The following MEIS1 variants were observed in gnomAD, a reference collection of about 807,000 sequenced individuals.
MEIS1 encodes homeobox protein Meis1.
MEIS1 carries 5 observed loss-of-function variants against 50.8 expected under a neutral mutation model. The ratio of observed to expected loss-of-function variants is 0.10; its 90% CI spans 0.05 to 0.21. The LOEUF (loss-of-function observed/expected upper bound fraction) is 0.21, where lower values mean the gene tolerates loss of function less well. Ranked by LOEUF, MEIS1 falls within the 10% of genes least tolerant of loss-of-function variation. MEIS1 has a pLI of 1.00. For synonymous variants in MEIS1, 176 were observed against 179.3 expected (o/e 0.98, Z 0.15); for missense variants, 318 against 517.3 (o/e 0.61, Z 3.74).
chr2:66,463,842 G>A (rs1017985655), intron 6 of MEIS1, among the ~76,000 whole-genome samples: 7 of 152,164 alleles, frequency 4.6e-5, no homozygotes, highest in African/African-American at 1.7e-4. Flanking sequence ...CTCTTTGCCT[G>A]GAATGTTTTT....
At position 66,439,485 on chromosome 2, in the gene MEIS1, T is replaced by G. The variant is rs1053684757; in HGVS notation, c.240-358T>G. ...GGCGCCTTTCTCCTCCACCGGATCCTGGATGTGCAGTGGAGGGGACGAGGG... is the reference window on the plus strand; with the variant it reads ...GGCGCCTTTCTCCTCCACCGGATCCGGGATGTGCAGTGGAGGGGACGAGGG... On this transcript the variant is annotated intron_variant, in intron 2 of 12. Transcript: ENST00000272369. The G allele has an allele frequency of 3.2e-5, 45 of 1,410,468 alleles. No individual in the cohort carries two copies. In the African/African-American group the frequency reaches 5.7e-4, roughly 18 times the overall value. 87.4% of individuals were successfully genotyped at this position (1,410,468 alleles called of 1,614,324 possible).
intron 6 of MEIS1, among the ~76,000 whole-genome samples, chr2:66,458,777 G>A (rs1028714359): frequency 2.6e-5 from 4 of 152,150 alleles, no homozygotes; most frequent in Non-Finnish European, 5.9e-5. Context: ...GTTTGTGTAA[G>A]TGCAAGTATG....
intron 8 of MEIS1, among the ~76,000 whole-genome samples, chr2:66,542,746 G>A (rs1674685927): frequency 6.6e-6 from 1 of 152,130 alleles, no homozygotes; most frequent in Non-Finnish European, 1.5e-5. Context: ...CCATTACAAT[G>A]TGCTATTAGA....
intron 7 of MEIS1, among the ~76,000 whole-genome samples, chr2:66,511,728 T>C (rs952269865): frequency 2.6e-5 from 4 of 152,224 alleles, no homozygotes; most frequent in African/African-American, 9.6e-5. Flanking sequence ...CTTAAATGAA[T>C]CTTCTCACAA....
At chr2:66,552,449 T>G (rs1376116187) in intron 9 of MEIS1, among the ~76,000 whole-genome samples, 6 of 152,218 alleles carry the variant, frequency 3.9e-5, no homozygotes, top group African/African-American at 1.4e-4. Context: ...AGAAAAATTA[T>G]TCTCCATCAA....
chr2:66,547,881 G>A, intron 8 of MEIS1, 62 bp from the exon 9 acceptor site: 1 of 1,514,360 alleles, frequency 6.6e-7, no homozygotes, highest in Middle Eastern at 1.7e-4. Flanking sequence ...GAGACACTTA[G>A]GCTATTGACA....
intron 6 of MEIS1, chr2:66,454,918 A>G (rs576490423): frequency 6.6e-6 from 1 of 152,186 alleles, no homozygotes; most frequent in Non-Finnish European, 1.5e-5. Flanking sequence ...GTATTTAGGT[A>G]TACTTATTTG....
At chr2:66,439,259 A>G in intron 2 of MEIS1, 2 of 1,051,156 alleles carry the variant, frequency 1.9e-6, no homozygotes, top group Non-Finnish European at 1.1e-6. Flanking sequence ...ATGTGCGTGG[A>G]GCTGAGGAGG....
intron 7 of MEIS1, among the ~76,000 whole-genome samples, chr2:66,467,774 T>C (rs1159488915): frequency 6.6e-6 from 1 of 152,206 alleles, no homozygotes; most frequent in Admixed American, 6.5e-5. Context: ...TTATGATATC[T>C]ACTTCCATTC....
intron 1 of MEIS1, 38 bp downstream of exon 1, chr2:66,435,906 G>A (rs781440548): frequency 1.9e-6 from 3 of 1,538,660 alleles, no homozygotes; most frequent in Non-Finnish European, 2.6e-6. Flanking sequence ...TCAAATGTGA[G>A]ATTAAATTGA....
At position 66,473,397 on chromosome 2, in the gene MEIS1, A is replaced by AAAAAAAAAAAAAAAATATATATATAT; in HGVS notation, c.742+9178_742+9179insAAAAAAAAAAAAAATATATATATATA. Reference sequence around the variant, plus strand: ...CCATGTCAAAAAAAAAAAAAAAAAAAATATATATATATATATATATAGTAA... The same window carrying AAAAAAAAAAAAAAAATATATATATAT: ...CCATGTCAAAAAAAAAAAAAAAAAAAAAAAAAAAAAAAAAATATATATATATATATATATATATATATATATAGTAA... On this transcript the variant is annotated intron_variant, in intron 7 of 12. Transcript: ENST00000272369. Among the ~76,000 whole-genome samples, 33 of 107,500 alleles carry AAAAAAAAAAAAAAAATATATATATAT rather than the reference A, an allele frequency of 3.1e-4. 1 individual carries two copies. The highest frequency in any genetic ancestry group is 1.1e-3 in the African/African-American group (19 of 17,096). The allele number at this position is 107,500 out of a possible 152,430, so 70.5% of individuals were successfully genotyped here.
chr2:66,526,262 T>C (rs1409899793), intron 8 of MEIS1, among the ~76,000 whole-genome samples: 4 of 152,206 alleles, frequency 2.6e-5, no homozygotes, highest in Non-Finnish European at 5.9e-5. Flanking sequence ...ATGCTAGATG[T>C]AGTTTCTTGA....
In MEIS1 at chr2:66,521,277, G is replaced by C. The variant is rs189295039; in HGVS notation, c.888+8983G>C. On this transcript the variant is annotated intron_variant, in intron 8 of 12. Coordinates refer to ENST00000272369, the MANE Select transcript of MEIS1 (RefSeq NM_002398.3). ...CCCATGTCTGTTACCAACAATGTCT[G>C]TGATAGTGCTTTGGGGGGTGAAGAA... is the stretch of plus-strand genomic sequence containing the variant. Among the ~76,000 whole-genome samples, 442 of 152,224 alleles carry C rather than the reference G, an allele frequency of 2.9e-3. 2 individuals are homozygous for C. The highest frequency in any genetic ancestry group is 9.9e-3 in the African/African-American group (411 of 41,534).
chr2:66,455,373 C>G (rs1672364643), intron 6 of MEIS1, among the ~76,000 whole-genome samples: 1 of 152,126 alleles, frequency 6.6e-6, no homozygotes, highest in Admixed American at 6.5e-5. Flanking sequence ...GTAGGGTCAC[C>G]ATGGGATGAT....
At chr2:66,519,538 A>G (rs1299988642) in intron 8 of MEIS1, among the ~76,000 whole-genome samples, 1 of 151,998 alleles carries the variant, frequency 6.6e-6, no homozygotes, top group Non-Finnish European at 1.5e-5. Flanking sequence ...GCCAGTGGAG[A>G]GCCTCCAGGA....
chr2:66,470,879 G>T (rs775526271), intron 7 of MEIS1, among the ~76,000 whole-genome samples: 19 of 152,162 alleles, frequency 1.2e-4, no homozygotes, highest in Non-Finnish European at 2.6e-4. Context: ...GTAAAAGACA[G>T]ACAAATGTTC....
rs573623736 is a variant in MEIS1, at chr2:66,458,927, CTAATA to C, written c.631-5175_631-5171del. ...TATTCATTCAAAAATATATTTGTAT[CTAATA>C]TAATATCAACATTTTCCTAGGATGG... On this transcript the variant is annotated intron_variant, in intron 6 of 12. Transcript: ENST00000272369. Among the ~76,000 whole-genome samples, 24 of 152,216 alleles carry C rather than the reference CTAATA, an allele frequency of 1.6e-4. No individual in the cohort carries two copies. The East Asian group carries it at 4.3e-3, about 27-fold the overall frequency.
intron 9 of MEIS1, among the ~76,000 whole-genome samples, chr2:66,566,680 C>A (rs2018434): frequency 0.9 from 136,394 of 151,918 alleles, 61,929 homozygotes; most frequent in Middle Eastern, 0.98. Context: ...CTTATTAAGG[C>A]ACTTAAAGTA....
intron 7 of MEIS1, among the ~76,000 whole-genome samples, chr2:66,473,414 A>ATATATATATATATG (rs1270895401): frequency 4.6e-4 from 66 of 142,582 alleles, no homozygotes; most frequent in African/African-American, 1.8e-3. Flanking sequence ...ATATATATAT[A>ATATATATATATATG]TATAGTAATA....
Sources: gnomAD v4.1 joint callset for allele counts (sites outside exome capture counted in the v4.1 genomes callset) on GRCh38, gnomAD v4.1.1 for gene constraint, MANE v1.5 for transcripts, NCBI Gene and HGNC (gene_info 2026-07-23, HGNC 2026-07-21) for gene names.